Variants in KIAA0319 observed in about 807,000 individuals in gnomAD.
The protein encoded by KIAA0319 is dyslexia-associated protein KIAA0319.
In KIAA0319, 83 loss-of-function variants were observed where a neutral mutation model predicts 108.4. The ratio of observed to expected loss-of-function variants is 0.77; its 90% CI spans 0.64 to 0.92. The LOEUF is 0.92. Among genes scored for constraint, KIAA0319 ranks in the 40% least tolerant of loss-of-function variants. The pLI is 0.00. For missense variants in KIAA0319, 1,195 were observed against 1,322.4 expected (o/e 0.90, Z 1.49); for synonymous variants, 484 against 510.4 (o/e 0.95, Z 0.70).
At chr6:24,542,323 C>A (rs547517152), downstream of KIAA0319, among the ~76,000 whole-genome samples, 14 of 152,230 alleles carry the variant, frequency 9.2e-5, no homozygotes, top group Non-Finnish European at 1.6e-4. Flanking sequence ...CATTCCCATT[C>A]TCATACTTCA....
At position 24,599,180 on chromosome 6, in the gene KIAA0319, CG is replaced by C; in HGVS notation, c.55+1868del. ...AGGAGATCACCAACTGTAGCCAGGC[CG>C]GGGCTGACAGCCTGTACCAGGTCAA... is the stretch of plus-strand genomic sequence containing the variant. On this transcript the variant is annotated intron_variant, in intron 2 of 20. Coordinates refer to ENST00000378214, the MANE Select transcript of KIAA0319 (RefSeq NM_014809.4). The surrounding 1 kb of genome is among the most constrained non-coding windows in gnomAD (Gnocchi z 4.1). The C allele has an allele frequency of 3.6e-6, 2 of 558,344 alleles. No individual in the cohort carries two copies. The highest frequency in any genetic ancestry group is 3.3e-6 in the Non-Finnish European group (1 of 306,268). 34.6% of individuals were successfully genotyped at this position (558,344 alleles called of 1,614,324 possible).
intron 11 of KIAA0319, among the ~76,000 whole-genome samples, chr6:24,571,430 C>T (rs527261596): frequency 1.3e-5 from 2 of 151,834 alleles, no homozygotes; most frequent in South Asian, 2.1e-4. Flanking sequence ...GCAGCCATTA[C>T]CCAATGTTTG....
chr6:24,571,423 G>GC (rs1177017281), intron 11 of KIAA0319, among the ~76,000 whole-genome samples: 1 of 150,136 alleles, frequency 6.7e-6, no homozygotes, highest in Non-Finnish European at 1.5e-5. Flanking sequence ...AGCTGTGGCA[G>GC]CCATTACCCA....
chr6:24,590,360 C>A (rs555661771), intron 3 of KIAA0319, among the ~76,000 whole-genome samples: 1 of 151,064 alleles, frequency 6.6e-6, no homozygotes, highest in African/African-American at 2.4e-5. Flanking sequence ...TAAGGGAAAC[C>A]AATTGACCAA....
chr6:24,561,894 G>T (rs955861419), intron 16 of KIAA0319, among the ~76,000 whole-genome samples: 14 of 152,280 alleles, frequency 9.2e-5, no homozygotes, highest in African/African-American at 3.1e-4. Flanking sequence ...GTAGAGACGA[G>T]GTTTCGCCAT....
intron 1 of KIAA0319, among the ~76,000 whole-genome samples, chr6:24,630,682 T>C (rs1227726971): frequency 2.0e-5 from 1 of 49,838 alleles, no homozygotes; most frequent in Non-Finnish European, 3.5e-5. Context: ...TGTGTATATG[T>C]GTATATATAT....
intron 20 of KIAA0319, among the ~76,000 whole-genome samples, chr6:24,549,687 G>A (rs1050210034): frequency 3.3e-5 from 5 of 152,246 alleles, no homozygotes; most frequent in African/African-American, 7.2e-5. Flanking sequence ...ACCTCGTACC[G>A]CTATGGGCAG....
At chr6:24,638,920 A>G (rs1210016374) in intron 1 of KIAA0319, among the ~76,000 whole-genome samples, 3 of 152,120 alleles carry the variant, frequency 2.0e-5, no homozygotes, top group Non-Finnish European at 2.9e-5. Context: ...TATTCCTATC[A>G]AACACAAACA....
intron 6 of KIAA0319, among the ~76,000 whole-genome samples, chr6:24,581,295 G>A (rs141589019): frequency 3.5e-4 from 54 of 152,306 alleles, no homozygotes; most frequent in Non-Finnish European, 7.1e-4. Flanking sequence ...TCAAATGTGT[G>A]TATGGAACCA....
chr6:24,541,533 C>T (rs990056501), downstream of KIAA0319, among the ~76,000 whole-genome samples: 2 of 152,240 alleles, frequency 1.3e-5, no homozygotes, highest in African/African-American at 2.4e-5. Context: ...CGCAGTGGCT[C>T]ACGCCAGTAA....
chr6:24,555,265 A>G (rs2744609), intron 18 of KIAA0319, among the ~76,000 whole-genome samples: 44,678 of 152,062 alleles, frequency 0.29, 7,877 homozygotes, highest in African/African-American at 0.5. Context: ...GGGAGGCCGA[A>G]CGGGGCAGAT....
chr6:24,563,258 C>T, intron 16 of KIAA0319, 101 bp downstream of exon 16: 2 of 1,335,428 alleles, frequency 1.5e-6, no homozygotes, highest in South Asian at 3.2e-5. Flanking sequence ...GTCAAAAATA[C>T]AAAAGTAGCA....
At chr6:24,585,057 T>C (rs1453008614) in intron 4 of KIAA0319, among the ~76,000 whole-genome samples, 7 of 152,192 alleles carry the variant, frequency 4.6e-5, no homozygotes, top group Non-Finnish European at 2.9e-5. Context: ...TCAGGAAACA[T>C]GACCCTTACG....
intron 1 of KIAA0319, among the ~76,000 whole-genome samples, chr6:24,622,028 G>A (rs1453032713): frequency 6.6e-6 from 1 of 152,196 alleles, no homozygotes; most frequent in Non-Finnish European, 1.5e-5. Context: ...AGAGTCAACA[G>A]AGTCTGCGAA....
chr6:24,577,354 ATAAT>A (rs1349569290), intron 9 of KIAA0319, among the ~76,000 whole-genome samples: 2 of 152,246 alleles, frequency 1.3e-5, no homozygotes, highest in Non-Finnish European at 1.5e-5. Context: ...TAGAGGACTT[ATAAT>A]TATGTTTTCA....
intron 1 of KIAA0319, among the ~76,000 whole-genome samples, chr6:24,645,396 G>T (rs1347512496): frequency 6.6e-6 from 1 of 152,142 alleles, no homozygotes; most frequent in Non-Finnish European, 1.5e-5. Context: ...TAAGCTTCAG[G>T]TTATGGTAAG....
chr6:24,572,722 T>C (rs199557712), intron 10 of KIAA0319, 24 bp from the exon 11 acceptor site: 1 of 1,577,832 alleles, frequency 6.3e-7, no homozygotes, highest in East Asian at 2.3e-5. Context: ...AATACAAAAA[T>C]AAAAACAAAA....
chr6:24,568,965 G>A (rs1358168456), intron 12 of KIAA0319, 36 bp from the exon 13 acceptor site: 2 of 1,603,336 alleles, frequency 1.2e-6, no homozygotes, highest in African/African-American at 1.3e-5. Context: ...TAAGGGAGGG[G>A]GCATGGGGTT....
intron 20 of KIAA0319, 65 bp downstream of exon 20, chr6:24,551,369 C>T: frequency 9.4e-7 from 1 of 1,066,522 alleles, no homozygotes; most frequent in Non-Finnish European, 1.5e-6. Flanking sequence ...TCCAAGTTAG[C>T]CCTCAGGCCT....
Sources: gnomAD v4.1 joint callset for allele counts (sites outside exome capture counted in the v4.1 genomes callset) on GRCh38, gnomAD v4.1.1 for gene constraint, Gnocchi (gnomAD v3.1) non-coding constraint, MANE v1.5 for transcripts, NCBI Gene and HGNC (gene_info 2026-07-23, HGNC 2026-07-21) for gene names.